Variants in DPP10 observed in about 807,000 individuals in gnomAD.
DPP10 encodes the protein dipeptidyl peptidase like 10, also known as inactive dipeptidyl peptidase 10.
DPP10 carries 33 observed loss-of-function variants against 120.9 expected under a neutral mutation model. That is an observed-to-expected ratio of 0.27 (90% CI 0.21 to 0.37). The LOEUF (loss-of-function observed/expected upper bound fraction) is 0.37. Among genes scored for constraint, DPP10 ranks in the 10% least tolerant of loss-of-function variants. DPP10 has a pLI of 1.00. For missense variants in DPP10, 816 were observed against 942.8 expected (o/e 0.87, Z 1.76); for synonymous variants, 337 against 326.1 (o/e 1.03, Z -0.36).
At chr2:115,169,726 A>G (rs1354109647) in intron 1 of DPP10, among the ~76,000 whole-genome samples, 1 of 152,192 alleles carries the variant, frequency 6.6e-6, no homozygotes, top group Non-Finnish European at 1.5e-5. Flanking sequence ...AGTTGAGTGC[A>G]TAATCAAAAC....
intron 1 of DPP10, among the ~76,000 whole-genome samples, chr2:115,241,637 C>G (rs2058286190): frequency 6.6e-6 from 1 of 152,208 alleles, no homozygotes; most frequent in South Asian, 2.1e-4. Context: ...ATGAGAGAGA[C>G]ACACAGGCTT....
intron 1 of DPP10, among the ~76,000 whole-genome samples, chr2:114,453,380 T>C (rs775573642): frequency 9.9e-5 from 15 of 152,188 alleles, no homozygotes; most frequent in Non-Finnish European, 1.9e-4. Context: ...TTCCAATCAA[T>C]TTTCATTGTG....
chr2:115,498,321 T>C (rs755691399), intron 3 of DPP10, among the ~76,000 whole-genome samples: 16 of 152,148 alleles, frequency 1.1e-4, no homozygotes, highest in Non-Finnish European at 1.8e-4. Flanking sequence ...ATTGTACGTG[T>C]AACTATTAAT....
At chr2:114,988,615 C>T (rs888747140) in intron 1 of DPP10, among the ~76,000 whole-genome samples, 3 of 152,094 alleles carry the variant, frequency 2.0e-5, no homozygotes, top group East Asian at 1.9e-4. Flanking sequence ...TTTTTGTAGC[C>T]CTTTTTCTCA....
chr2:114,514,774 T>A (rs1684452722), intron 1 of DPP10, among the ~76,000 whole-genome samples: 1 of 149,190 alleles, frequency 6.7e-6, no homozygotes, highest in Admixed American at 6.6e-5. Context: ...TTTCTGGTTT[T>A]TTTTTTTGTT....
At chr2:114,889,802 A>G (rs974037118) in intron 1 of DPP10, among the ~76,000 whole-genome samples, 7 of 152,230 alleles carry the variant, frequency 4.6e-5, no homozygotes, top group East Asian at 1.9e-4. Flanking sequence ...TCACGATTCA[A>G]TCCCTTTTTC....
chr2:115,307,803 CTT>C (rs1250351460), intron 1 of DPP10, among the ~76,000 whole-genome samples: 2 of 152,082 alleles, frequency 1.3e-5, no homozygotes, highest in Non-Finnish European at 2.9e-5. Flanking sequence ...TATTGACTGT[CTT>C]TATATCACTT....
intron 1 of DPP10, among the ~76,000 whole-genome samples, chr2:114,577,594 T>A (rs1343927631): frequency 2.0e-5 from 3 of 152,160 alleles, no homozygotes; most frequent in African/African-American, 7.2e-5. Context: ...TATTTTTTTT[T>A]AAAGTAACAG....
chr2:115,425,229 C>G (rs2070346420), intron 3 of DPP10, among the ~76,000 whole-genome samples: 1 of 152,070 alleles, frequency 6.6e-6, no homozygotes, highest in Non-Finnish European at 1.5e-5. Flanking sequence ...CATGAGGTGG[C>G]AAGGGGTAGT....
At chr2:115,479,967 T>G (rs2075327968) in intron 3 of DPP10, among the ~76,000 whole-genome samples, 1 of 152,146 alleles carries the variant, frequency 6.6e-6, no homozygotes, top group Admixed American at 6.5e-5. Flanking sequence ...CCTCAGTTAT[T>G]TCCCCTAATA....
At chr2:115,729,816 A>G (rs1010553699) in intron 8 of DPP10, among the ~76,000 whole-genome samples, 14 of 3,050 alleles carry the variant, frequency 4.6e-3, no homozygotes, top group Non-Finnish European at 9.2e-3. Flanking sequence ...GAGAGAGAGA[A>G]GAGAGAGAGA....
intron 19 of DPP10, among the ~76,000 whole-genome samples, chr2:115,806,673 C>T (rs1010094103): frequency 5.3e-5 from 8 of 152,188 alleles, no homozygotes; most frequent in East Asian, 3.9e-4. Flanking sequence ...ATGTATCCTT[C>T]GATATGTAGC....
At chr2:114,630,964 G>T (rs867173316) in intron 1 of DPP10, among the ~76,000 whole-genome samples, 1 of 152,036 alleles carries the variant, frequency 6.6e-6, no homozygotes, top group Non-Finnish European at 1.5e-5. Flanking sequence ...TGTTGCATTG[G>T]TATCTAGTTG....
chr2:115,204,066 AG>A (rs2055940373), intron 1 of DPP10, among the ~76,000 whole-genome samples: 1 of 152,136 alleles, frequency 6.6e-6, no homozygotes, highest in South Asian at 2.1e-4. Context: ...AATTTTCTTC[AG>A]TTATCCTGAT....
chr2:115,821,979 T>C (rs1223268254), intron 21 of DPP10, among the ~76,000 whole-genome samples: 1 of 152,052 alleles, frequency 6.6e-6, no homozygotes, highest in East Asian at 1.9e-4. Flanking sequence ...CTTTGTATTT[T>C]ATGTTTTAGG....
intron 1 of DPP10, among the ~76,000 whole-genome samples, chr2:115,038,712 A>G (rs1704414388): frequency 6.6e-6 from 1 of 152,190 alleles, no homozygotes; most frequent in Non-Finnish European, 1.5e-5. Context: ...AAGTTACTGC[A>G]TTTAACTGTC....
At chr2:115,443,837 T>C (rs763777829) in intron 3 of DPP10, among the ~76,000 whole-genome samples, 19 of 152,208 alleles carry the variant, frequency 1.2e-4, no homozygotes, top group Non-Finnish European at 2.8e-4. Context: ...TGAGCACTAT[T>C]GATATTTGGG....
chr2:115,502,805 T>C (rs1020615689), intron 4 of DPP10, among the ~76,000 whole-genome samples: 4 of 152,110 alleles, frequency 2.6e-5, no homozygotes, highest in Non-Finnish European at 5.9e-5. Flanking sequence ...GTGAACCTTC[T>C]GCCTCAGCCT....
intron 1 of DPP10, among the ~76,000 whole-genome samples, chr2:114,707,852 C>A (rs547793972): frequency 6.6e-6 from 1 of 152,156 alleles, no homozygotes; most frequent in Admixed American, 6.5e-5. Context: ...GAATTCTATG[C>A]ACCAGTGTCA....
Sources: allele counts gnomAD v4.1 joint callset (sites outside exome capture counted in the v4.1 genomes callset), GRCh38; gene constraint gnomAD v4.1.1; transcripts MANE v1.5; gene names NCBI Gene and HGNC (gene_info 2026-07-23, HGNC 2026-07-21).